SNAP25: variants seen among roughly 807,000 people sequenced by gnomAD.
SNAP25 encodes the protein synaptosomal-associated protein 25.
A neutral mutation model predicts 28.7 loss-of-function variants in SNAP25; 3 were observed. The observed-to-expected ratio is 0.10, with a 90% CI of 0.05 to 0.27. The LOEUF is 0.27. SNAP25 is among the 10% of genes least tolerant of loss of function. SNAP25 has a pLI of 1.00. For missense variants in SNAP25, 117 were observed against 278.7 expected, an observed-to-expected ratio of 0.42 and a Z score of 4.13; for synonymous variants, 61 against 88.1, an observed-to-expected ratio of 0.69 and a Z score of 1.72.
intron 1 of SNAP25, among the ~76,000 whole-genome samples, chr20:10,234,196 T>G (rs1391315973): frequency 7.0e-6 from 1 of 142,106 alleles, no homozygotes; most frequent in African/African-American, 2.6e-5. Flanking sequence ...TTTTTTTTTT[T>G]GAACTTCATC....
rs140909635 is a variant in SNAP25, at chr20:10,244,717, C to G, written c.-64+25740C>G. On this transcript the variant is annotated intron_variant, in intron 1 of 7. Transcript: ENST00000254976. ...AACATCTGCTAAATCTTTTTTGTTT[C>G]TTTCTTTCTTTCTCTCTTTTTTTTT... 8.5e-3 allele frequency among the ~76,000 whole-genome samples: 1,282 copies of G among 150,604 alleles called. 19 individuals are homozygous for G. The highest frequency in any genetic ancestry group is 0.03 in the African/African-American group (1,229 of 40,850).
At chr20:10,285,349 G>C (rs2063855118) in intron 4 of SNAP25, among the ~76,000 whole-genome samples, 1 of 152,134 alleles carries the variant, frequency 6.6e-6, no homozygotes, top group Non-Finnish European at 1.5e-5. Flanking sequence ...CTAGAAGCAA[G>C]GAAAATCAGA....
At position 10,224,016 on chromosome 20, in the gene SNAP25, C is replaced by A. The variant is rs577015703; in HGVS notation, c.-64+5039C>A. ...GTGACACTCATTCTAAAAGTGTTTA[C>A]CTATACTGGCTCACTGTATCCTCCT... On this transcript the variant is annotated intron_variant, in intron 1 of 7. Coordinates refer to ENST00000254976, the MANE Select transcript of SNAP25 (RefSeq NM_130811.4). Among the ~76,000 whole-genome samples the A allele has an allele frequency of 2.0e-5, 3 of 152,244 alleles. No individual in the cohort carries two copies. In the South Asian group the frequency reaches 6.2e-4, roughly 32 times the overall value.
intron 7 of SNAP25, among the ~76,000 whole-genome samples, chr20:10,302,048 A>G (rs2123178846): frequency 6.6e-6 from 1 of 152,034 alleles, no homozygotes; most frequent in South Asian, 2.1e-4. Context: ...TGCTAAGGAA[A>G]TACCTTAGCA....
chr20:10,289,750 A>G lies in SNAP25; in HGVS notation c.164-3411A>G, dbSNP rs570523854. Among the ~76,000 whole-genome samples the G allele has an allele frequency of 1.6e-3, 246 of 150,018 alleles. 2 individuals are homozygous for G. The highest frequency in any genetic ancestry group is 3.1e-3 in the Admixed American group (46 of 14,864). ...TAGTATTAATGCTTACTATTCTTCT[A>G]CTGATTTTTACTAGATTGAGAATAC... On this transcript the variant is annotated intron_variant, in intron 4 of 7. Coordinates refer to ENST00000254976, the MANE Select transcript of SNAP25 (RefSeq NM_130811.4).
intron 5 of SNAP25, among the ~76,000 whole-genome samples, chr20:10,294,950 A>G (rs2064078394): frequency 6.6e-6 from 1 of 152,214 alleles, no homozygotes; most frequent in Non-Finnish European, 1.5e-5. Context: ...GTGTGTGAAG[A>G]AAGGGTGAAG....
chr20:10,274,466 AAG>A (rs2063651516), intron 1 of SNAP25, among the ~76,000 whole-genome samples: 1 of 152,258 alleles, frequency 6.6e-6, no homozygotes, highest in African/African-American at 2.4e-5. Flanking sequence ...TGCTAAGTGA[AAG>A]AAGGCAGACA....
chr20:10,257,553 A>G (rs1290670416), intron 1 of SNAP25, among the ~76,000 whole-genome samples: 4 of 152,172 alleles, frequency 2.6e-5, no homozygotes, highest in East Asian at 1.9e-4. Flanking sequence ...TCTCTACTAA[A>G]AATACAAAAT....
At chr20:10,246,061 T>C (rs911133593) in intron 1 of SNAP25, among the ~76,000 whole-genome samples, 2 of 152,258 alleles carry the variant, frequency 1.3e-5, no homozygotes, top group Non-Finnish European at 2.9e-5. Context: ...GAATTCATTT[T>C]ATGCCTGAAT....
intron 2 of SNAP25, among the ~76,000 whole-genome samples, chr20:10,276,937 G>A (rs1161448215): frequency 1.3e-5 from 2 of 152,154 alleles, no homozygotes; most frequent in African/African-American, 4.8e-5. Flanking sequence ...GCTCTTCCAG[G>A]GAAGTTAACA....
At chr20:10,294,932 C>T (rs572335375) in intron 5 of SNAP25, among the ~76,000 whole-genome samples, 1 of 152,322 alleles carries the variant, frequency 6.6e-6, no homozygotes, top group East Asian at 1.9e-4. Context: ...TTCCCCCCTT[C>T]ATCAACTGTG....
intron 1 of SNAP25, among the ~76,000 whole-genome samples, chr20:10,244,713 G>GTTTC (rs2063095888): frequency 1.3e-5 from 2 of 150,656 alleles, no homozygotes; most frequent in South Asian, 2.1e-4. Flanking sequence ...AATCTTTTTT[G>GTTTC]TTTCTTTCTT....
intron 1 of SNAP25, among the ~76,000 whole-genome samples, chr20:10,234,712 T>C (rs1270185827): frequency 6.6e-6 from 1 of 152,190 alleles, no homozygotes; most frequent in Non-Finnish European, 1.5e-5. Context: ...ATGTCAGTAT[T>C]TGGGGAAACA....
Position 10,268,979 on chromosome 20 carries a change from G to T in SNAP25, c.-63-6450G>T, listed in dbSNP as rs894603112. Among the ~76,000 whole-genome samples, 9 of 140,090 alleles carry T rather than the reference G, an allele frequency of 6.4e-5. No individual in the cohort carries two copies. In the East Asian group the frequency reaches 1.4e-3, roughly 22 times the overall value. The allele number at this position is 140,090 out of a possible 152,430, so 91.9% of individuals were successfully genotyped here. On this transcript the variant is annotated intron_variant, in intron 1 of 7. Coordinates refer to ENST00000254976, the MANE Select transcript of SNAP25 (RefSeq NM_130811.4). Reference sequence around the variant, plus strand: ...GCAGAAGTTAGAAATTGTTTTGAGGGCCACAAGGGCACCCTATAACCTTGC... The same window carrying T: ...GCAGAAGTTAGAAATTGTTTTGAGGTCCACAAGGGCACCCTATAACCTTGC...
intron 1 of SNAP25, among the ~76,000 whole-genome samples, chr20:10,236,365 A>C (rs2062920844): frequency 6.6e-6 from 1 of 152,226 alleles, no homozygotes; most frequent in African/African-American, 2.4e-5. Context: ...AACATTGAGG[A>C]TAAGTAAACT....
At chr20:10,242,755 T>C (rs2063057945) in intron 1 of SNAP25, among the ~76,000 whole-genome samples, 2 of 152,194 alleles carry the variant, frequency 1.3e-5, no homozygotes, top group African/African-American at 4.8e-5. Context: ...TAGGGATCAA[T>C]TTATGGGCAT....
chr20:10,237,032 G>A (rs2062936603), intron 1 of SNAP25, among the ~76,000 whole-genome samples: 1 of 152,112 alleles, frequency 6.6e-6, no homozygotes, highest in Non-Finnish European at 1.5e-5. Context: ...GCTGTCCTAG[G>A]TTGAGCCCTC....
chr20:10,284,879 A>T, intron 4 of SNAP25, 107 bp downstream of exon 4: 1 of 831,168 alleles, frequency 1.2e-6, no homozygotes, highest in Non-Finnish European at 2.0e-6. Context: ...TTACACATGT[A>T]CACGAATGTG....
chr20:10,250,868 G>A (rs1302515541), intron 1 of SNAP25, among the ~76,000 whole-genome samples: 3 of 152,150 alleles, frequency 2.0e-5, no homozygotes, highest in Non-Finnish European at 4.4e-5. Context: ...GTTACCCATA[G>A]TATTCAGTAC....
Sources: allele counts gnomAD v4.1 joint callset (sites outside exome capture counted in the v4.1 genomes callset), GRCh38; gene constraint gnomAD v4.1.1; transcripts MANE v1.5; gene names NCBI Gene and HGNC (gene_info 2026-07-23, HGNC 2026-07-21).